CCDC171: variants seen among roughly 807,000 people sequenced by gnomAD.
CCDC171 encodes coiled-coil domain containing 171, also known as coiled-coil domain-containing protein 171.
A neutral mutation model predicts 168.2 loss-of-function variants in CCDC171; 177 were observed. The observed-to-expected ratio is 1.05, with a 90% CI of 0.93 to 1.19. The LOEUF (loss-of-function observed/expected upper bound fraction) is 1.19, where lower values mean the gene tolerates loss of function less well. Ranked by LOEUF, CCDC171 falls within the 50% of genes most tolerant of loss-of-function variation. CCDC171 has a pLI of 0.00. For synonymous variants in CCDC171, 687 were observed against 540.8 expected, an observed-to-expected ratio of 1.27 and a Z score of -3.75; for missense variants, 1,991 against 1,539.0, an observed-to-expected ratio of 1.29 and a Z score of -4.91.
intron 11 of CCDC171, among the ~76,000 whole-genome samples, chr9:15,700,638 T>C (rs2051654172): frequency 6.6e-6 from 1 of 152,080 alleles, no homozygotes; most frequent in Admixed American, 6.5e-5. Context: ...TTTCTTTTAT[T>C]TATTTTTTTT....
At position 15,874,641 on chromosome 9, in the gene CCDC171, G is replaced by T; in HGVS notation, c.3578G>T (p.Gly1193Val). ...TTTGCAATGGAGGGGCTCAAGGGCGGGCCAGAGGTGGTAGCATGCCAGGTT... is the reference window on the plus strand; with the variant it reads ...TTTGCAATGGAGGGGCTCAAGGGCGTGCCAGAGGTGGTAGCATGCCAGGTT... ...ETFAMEGLKG[G>V]PEVVACQAMI... The change falls in exon 24 of 26, where the codon GGG becomes GTG. Residue 1193 changes from glycine (G) to valine (V), a missense_variant. By Grantham distance (109) the Gly-to-Val change is moderately radical. Transcript: ENST00000380701. The T allele has an allele frequency of 6.3e-7, 1 of 1,588,152 alleles. No homozygotes were observed. Among genetic ancestry groups the T allele is most frequent in the Non-Finnish European group, 8.6e-7 (1 of 1,166,924 alleles).
At chr9:15,801,373 C>T (rs1314586392) in intron 21 of CCDC171, among the ~76,000 whole-genome samples, 1 of 151,766 alleles carries the variant, frequency 6.6e-6, no homozygotes, top group African/African-American at 2.4e-5. Flanking sequence ...TTATTTATGG[C>T]TATGGTAAAT....
intron 25 of CCDC171, among the ~76,000 whole-genome samples, chr9:15,936,699 A>G (rs963587857): frequency 2.0e-5 from 3 of 152,078 alleles, no homozygotes; most frequent in Non-Finnish European, 2.9e-5. Context: ...CGCTCCAGGC[A>G]TAAGAAATTG....
chr9:15,812,359 C>A (rs913702045), intron 21 of CCDC171, among the ~76,000 whole-genome samples: 2 of 152,154 alleles, frequency 1.3e-5, no homozygotes, highest in Non-Finnish European at 2.9e-5. Context: ...CGAGGGTAAT[C>A]TTCAAGGAGT....
chr9:15,737,365 T>G (rs12377371), intron 16 of CCDC171, among the ~76,000 whole-genome samples: 71,109 of 151,928 alleles, frequency 0.47, 16,966 homozygotes, highest in Non-Finnish European at 0.5. Flanking sequence ...AAAAGAATGC[T>G]ATACATTTAG....
At chr9:15,836,981 G>C (rs2060480514) in intron 21 of CCDC171, among the ~76,000 whole-genome samples, 1 of 152,096 alleles carries the variant, frequency 6.6e-6, no homozygotes, top group Non-Finnish European at 1.5e-5. Flanking sequence ...TAGCCACATT[G>C]GCCAAATTTG....
intron 6 of CCDC171, among the ~76,000 whole-genome samples, chr9:15,596,021 T>C (rs560287205): frequency 4.6e-5 from 7 of 152,286 alleles, no homozygotes; most frequent in Non-Finnish European, 1.0e-4. Flanking sequence ...TTTGTTTGAG[T>C]TCTTTGTAGA....
intron 17 of CCDC171, 55 bp from the exon 18 acceptor site, chr9:15,745,460 A>G (rs2055200280): frequency 6.2e-6 from 7 of 1,136,908 alleles, no homozygotes; most frequent in Non-Finnish European, 8.8e-6. Flanking sequence ...AATTTTAAAT[A>G]TAGATTTTAA....
intron 6 of CCDC171, among the ~76,000 whole-genome samples, chr9:15,596,381 G>A (rs1203953749): frequency 1.5e-4 from 23 of 151,262 alleles, no homozygotes; most frequent in African/African-American, 5.1e-4. Flanking sequence ...AGTTTTCCCA[G>A]CACCATTTAT....
rs183114692 is a variant in CCDC171, at chr9:15,589,233, C to G, written c.353-2133C>G. The stretch of plus-strand genomic sequence containing the variant: ...ACAAACACCTTGTGGTGTGGAAAAA[C>G]AAATTTGTTTTTATGTCCTCTTCTC... On this transcript the variant is annotated intron_variant, in intron 4 of 25. Transcript: ENST00000380701. Among the ~76,000 whole-genome samples, 4 of 152,236 alleles carry G rather than the reference C, an allele frequency of 2.6e-5. No homozygotes were observed. The East Asian group carries it at 7.7e-4, about 29-fold the overall frequency.
At chr9:15,755,247 A>G (rs1278511939) in intron 18 of CCDC171, among the ~76,000 whole-genome samples, 2 of 152,118 alleles carry the variant, frequency 1.3e-5, no homozygotes, top group Admixed American at 6.6e-5. Flanking sequence ...TGGCTACTCT[A>G]CTTTCAGGCA....
intron 18 of CCDC171, among the ~76,000 whole-genome samples, chr9:15,754,142 A>G (rs1035495220): frequency 6.6e-6 from 1 of 152,210 alleles, no homozygotes. Context: ...AGTAATAAAT[A>G]TAAAACCATA....
chr9:16,075,941 T>G, the CCDC171 span, among the ~76,000 whole-genome samples: 2 of 152,356 alleles, frequency 1.3e-5, no homozygotes, highest in South Asian at 4.1e-4. Context: ...GTAAGCACAC[T>G]GTTTTATGAA....
At chr9:15,589,618 T>G (rs2041838826) in intron 4 of CCDC171, among the ~76,000 whole-genome samples, 1 of 152,236 alleles carries the variant, frequency 6.6e-6, no homozygotes, top group Non-Finnish European at 1.5e-5. Flanking sequence ...GGTTTGAAAG[T>G]TGTATACTGT....
chr9:15,977,432 T>A (rs1011649441), downstream of CCDC171, among the ~76,000 whole-genome samples: 12 of 152,200 alleles, frequency 7.9e-5, no homozygotes, highest in African/African-American at 2.2e-4. Flanking sequence ...AGGAGATAAA[T>A]CAAAACAGAG....
In CCDC171 at chr9:15,826,553, A is replaced by G. The variant is rs144285640; in HGVS notation, c.3268-20149A>G. On this transcript the variant is annotated intron_variant, in intron 21 of 25. Coordinates refer to ENST00000380701, the MANE Select transcript of CCDC171 (RefSeq NM_173550.4). Reference sequence around the variant, plus strand: ...TGCCTGATTTTCTTTCTCTCTCTCAATTTTCTCTGTTGGAAACCAGCCATC... The same window carrying G: ...TGCCTGATTTTCTTTCTCTCTCTCAGTTTTCTCTGTTGGAAACCAGCCATC... Among the ~76,000 whole-genome samples, 18 of 151,976 alleles carry G rather than the reference A, an allele frequency of 1.2e-4. No homozygotes were observed. In the East Asian group the frequency reaches 1.7e-3, roughly 15 times the overall value.
chr9:15,890,181 G>T (rs1301441257), intron 24 of CCDC171, among the ~76,000 whole-genome samples: 6 of 149,364 alleles, frequency 4.0e-5, no homozygotes, highest in African/African-American at 1.5e-4. Context: ...TTTTTTGAGG[G>T]GAAAGAGAGA....
chr9:15,866,018 G>C (rs2061770369), intron 23 of CCDC171, among the ~76,000 whole-genome samples: 1 of 151,968 alleles, frequency 6.6e-6, no homozygotes, highest in African/African-American at 2.4e-5. Flanking sequence ...TGCTAGCAAA[G>C]AAAGTGGCAT....
intron 11 of CCDC171, among the ~76,000 whole-genome samples, chr9:15,700,973 G>C (rs1191076270): frequency 6.6e-6 from 1 of 151,238 alleles, no homozygotes; most frequent in Non-Finnish European, 1.5e-5. Flanking sequence ...CTTTTGATTT[G>C]CGTTTCCCTA....
Sources: allele counts gnomAD v4.1 joint callset (sites outside exome capture counted in the v4.1 genomes callset), GRCh38; gene constraint gnomAD v4.1.1; transcripts MANE v1.5; gene names NCBI Gene and HGNC (gene_info 2026-07-23, HGNC 2026-07-21).